ROBO2: variants seen among roughly 807,000 people sequenced by gnomAD.
The protein encoded by ROBO2 is roundabout guidance receptor 2.
A neutral mutation model predicts 160.8 loss-of-function variants in ROBO2; 53 were observed. That is an observed-to-expected ratio of 0.33 (90% CI 0.26 to 0.41). The LOEUF (loss-of-function observed/expected upper bound fraction) is 0.41. Among genes scored for constraint, ROBO2 ranks in the 10% least tolerant of loss-of-function variants. The pLI, the probability that ROBO2 is intolerant of heterozygous loss-of-function variation, is 1.00. For missense variants in ROBO2, 1,577 were observed against 1,722.4 expected (o/e 0.92, Z 1.49); for synonymous variants, 664 against 611.7 (o/e 1.09, Z -1.26).
chr3:77,304,537 C>G (rs1019167083), intron 2 of ROBO2, among the ~76,000 whole-genome samples: 1 of 152,028 alleles, frequency 6.6e-6, no homozygotes, highest in African/African-American at 2.4e-5. Context: ...GGGCTGCCAG[C>G]GCACTCAACT....
intron 6 of ROBO2, among the ~76,000 whole-genome samples, chr3:77,526,612 T>G (rs1186554768): frequency 6.6e-6 from 1 of 151,564 alleles, no homozygotes; most frequent in Non-Finnish European, 1.5e-5. Context: ...ATGAAGCCCA[T>G]GTGTATCTCT....
chr3:77,445,790 T>G (rs947130461), intron 2 of ROBO2, among the ~76,000 whole-genome samples: 1 of 115,072 alleles, frequency 8.7e-6, no homozygotes, highest in Middle Eastern at 4.6e-3. Context: ...AAAGGTTTTT[T>G]TTTGTTTTTT....
At chr3:77,626,639 A>G (rs2095033455) in intron 23 of ROBO2, among the ~76,000 whole-genome samples, 1 of 152,136 alleles carries the variant, frequency 6.6e-6, no homozygotes, top group African/African-American at 2.4e-5. Context: ...TTGTTTCCCA[A>G]ATTTCATGAC....
chr3:77,079,284 G>A (rs2068367554), intron 1 of ROBO2, among the ~76,000 whole-genome samples: 1 of 152,142 alleles, frequency 6.6e-6, no homozygotes, highest in Non-Finnish European at 1.5e-5. Flanking sequence ...TTAATACTTT[G>A]TGTTATACTT....
chr3:77,064,016 A>C (rs1036941646), intron 1 of ROBO2, among the ~76,000 whole-genome samples: 35 of 152,192 alleles, frequency 2.3e-4, no homozygotes, highest in African/African-American at 8.4e-4. Flanking sequence ...ATGAAGGGTA[A>C]ATCTATTTTC....
At chr3:77,621,763 G>A (rs1321604841) in intron 22 of ROBO2, among the ~76,000 whole-genome samples, 3 of 152,124 alleles carry the variant, frequency 2.0e-5, no homozygotes, top group African/African-American at 7.2e-5. Flanking sequence ...ATGTGTTCAG[G>A]GTTGGGAGGT....
At chr3:76,044,844 A>C (rs28550059) in intron 2 of ROBO2, among the ~76,000 whole-genome samples, 2 of 151,820 alleles carry the variant, frequency 1.3e-5, no homozygotes, top group African/African-American at 2.4e-5. Context: ...GTCTCTGAGG[A>C]AACTGCATTT....
At chr3:76,204,051 C>T (rs576058200) in intron 2 of ROBO2, among the ~76,000 whole-genome samples, 17 of 152,278 alleles carry the variant, frequency 1.1e-4, no homozygotes, top group Admixed American at 1.1e-3. Flanking sequence ...TCATCTGTTT[C>T]CTGCCTGGAC....
chr3:77,644,818 G>C lies in ROBO2; in HGVS notation c.4049G>C (p.Arg1350Thr). 1.9e-6 allele frequency: 3 copies of C among 1,614,126 alleles called. No individual in the cohort carries two copies. Among genetic ancestry groups the C allele is most frequent in the Non-Finnish European group, 2.5e-6 (3 of 1,180,022 alleles). ...GGACCTAGGAAAACCGAGGTGTTGAGAGCAGGCCACCAGCGCAATGCCAGC... is the reference window on the plus strand; with the variant it reads ...GGACCTAGGAAAACCGAGGTGTTGACAGCAGGCCACCAGCGCAATGCCAGC... The change falls in exon 25 of 26, where the codon AGA becomes ACA. Residue 1350 changes from arginine to threonine, a missense_variant. By Grantham distance (71) the Arg-to-Thr change is moderately conservative. Around this residue, in one of 2 missense-constraint regions of ROBO2, gnomAD observed 637 missense variants for 586.9 expected, o/e 1.09. Coordinates refer to ENST00000461745, the Ensembl canonical transcript of ROBO2.
At chr3:76,858,281 G>GT (rs951164233) in intron 2 of ROBO2, among the ~76,000 whole-genome samples, 13 of 151,974 alleles carry the variant, frequency 8.6e-5, no homozygotes, top group Non-Finnish European at 1.5e-4. Flanking sequence ...AAATAGCTTT[G>GT]TTTTTTTTGG....
At chr3:77,602,741 G>A (rs1255394699) in intron 20 of ROBO2, among the ~76,000 whole-genome samples, 4 of 137,330 alleles carry the variant, frequency 2.9e-5, no homozygotes, top group Non-Finnish European at 6.1e-5. Flanking sequence ...AGTGCCAATC[G>A]GTTTCATCTT....
intron 2 of ROBO2, among the ~76,000 whole-genome samples, chr3:76,016,467 T>A (rs1186251032): frequency 1.3e-5 from 2 of 151,978 alleles, no homozygotes; most frequent in Non-Finnish European, 2.9e-5. Context: ...GAAAAACGAT[T>A]GTCATTCTCC....
intron 2 of ROBO2, among the ~76,000 whole-genome samples, chr3:76,170,123 T>C (rs1420573976): frequency 1.3e-5 from 2 of 152,130 alleles, no homozygotes; most frequent in South Asian, 2.1e-4. Context: ...TTCCCACATA[T>C]TCCATTTTCT....
At chr3:77,598,705 C>T (rs1045600106) in intron 19 of ROBO2, among the ~76,000 whole-genome samples, 2 of 151,966 alleles carry the variant, frequency 1.3e-5, no homozygotes, top group Admixed American at 6.6e-5. Context: ...GCTTCCTCCC[C>T]TAAGTGACCC....
At chr3:75,963,233 G>A (rs1311349374) in intron 2 of ROBO2, among the ~76,000 whole-genome samples, 1 of 151,474 alleles carries the variant, frequency 6.6e-6, no homozygotes, top group East Asian at 2.0e-4. Flanking sequence ...TGTCACCCCG[G>A]GTGGAGTGCA....
chr3:76,070,835 A>C (rs1208689359), intron 2 of ROBO2, among the ~76,000 whole-genome samples: 1 of 152,152 alleles, frequency 6.6e-6, no homozygotes, highest in Non-Finnish European at 1.5e-5. Context: ...GAACCTACGG[A>C]ATATCAGGGC....
At chr3:76,657,219 A>G (rs1184977608) in intron 2 of ROBO2, among the ~76,000 whole-genome samples, 1 of 151,652 alleles carries the variant, frequency 6.6e-6, no homozygotes, top group Non-Finnish European at 1.5e-5. Flanking sequence ...AGGTCAGGAG[A>G]TCGAGACCAT....
At chr3:77,362,070 A>T (rs1241829894) in intron 2 of ROBO2, among the ~76,000 whole-genome samples, 2 of 152,162 alleles carry the variant, frequency 1.3e-5, no homozygotes, top group Non-Finnish European at 2.9e-5. Context: ...ATGGGGAAGG[A>T]TGACATTCAT....
chr3:76,906,484 C>T lies in ROBO2; in HGVS notation c.110-191530C>T, dbSNP rs141986666. On this transcript the variant is annotated intron_variant, in intron 2 of 26. Transcript: ENST00000487694. Reference sequence around the variant, plus strand: ...ATACATAACTGACAATTAATTTATTCGGTGGTATCTGATAATAATAATTAT... The same window carrying T: ...ATACATAACTGACAATTAATTTATTTGGTGGTATCTGATAATAATAATTAT... Among the ~76,000 whole-genome samples, 325 of 151,460 alleles carry T rather than the reference C, an allele frequency of 2.1e-3. 1 individual carries two copies. The highest frequency in any genetic ancestry group is 0.014 in the Middle Eastern group (4 of 292).
Sources: allele counts gnomAD v4.1 joint callset (sites outside exome capture counted in the v4.1 genomes callset), GRCh38; gene constraint gnomAD v4.1.1; regional missense constraint gnomAD v4.1.1; transcripts MANE v1.5; gene names NCBI Gene and HGNC (gene_info 2026-07-23, HGNC 2026-07-21).